The following GALNTL6 variants were observed in gnomAD, a reference collection of about 807,000 sequenced individuals.
GALNTL6 encodes the protein polypeptide N-acetylgalactosaminyltransferase-like 6.
GALNTL6 carries 46 observed loss-of-function variants against 73.7 expected under a neutral mutation model. The observed-to-expected ratio is 0.62, with a 90% CI of 0.49 to 0.80. GALNTL6 has a LOEUF of 0.80. GALNTL6 is among the 30% of genes least tolerant of loss of function. The pLI, the probability that GALNTL6 is intolerant of heterozygous loss-of-function variation, is 0.00. For synonymous variants in GALNTL6, 259 were observed against 263.7 expected (o/e 0.98, Z 0.17); for missense variants, 604 against 755.0 (o/e 0.80, Z 2.34).
chr4:171,882,732 A>G (rs1288894780), intron 2 of GALNTL6, among the ~76,000 whole-genome samples: 2 of 152,174 alleles, frequency 1.3e-5, no homozygotes, highest in Non-Finnish European at 2.9e-5. Context: ...TGCCTGCTTG[A>G]TTCTAGCCAC....
chr4:172,721,972 G>T (rs1482403592), intron 5 of GALNTL6, among the ~76,000 whole-genome samples: 1 of 139,748 alleles, frequency 7.2e-6, no homozygotes, highest in East Asian at 2.2e-4. Flanking sequence ...TATTGCAATG[G>T]AGGTGGCGGA....
intron 10 of GALNTL6, among the ~76,000 whole-genome samples, chr4:173,008,530 G>T (rs991668434): frequency 1.3e-5 from 2 of 152,184 alleles, no homozygotes; most frequent in Non-Finnish European, 2.9e-5. Context: ...AAGATATGAG[G>T]TTGCAGCAGA....
intron 5 of GALNTL6, among the ~76,000 whole-genome samples, chr4:172,420,239 GA>G (rs2111360048): frequency 6.6e-6 from 1 of 152,258 alleles, no homozygotes; most frequent in African/African-American, 2.4e-5. Context: ...TCGTGATAAC[GA>G]GGGTCATTTC....
intron 5 of GALNTL6, among the ~76,000 whole-genome samples, chr4:172,597,114 A>G (rs1560827703): frequency 6.6e-6 from 1 of 152,224 alleles, no homozygotes; most frequent in African/African-American, 2.4e-5. Flanking sequence ...TAGCTATCCA[A>G]ATATTGCCAG....
chr4:172,338,332 T>C (rs1362803751), intron 4 of GALNTL6, among the ~76,000 whole-genome samples: 1 of 148,554 alleles, frequency 6.7e-6, no homozygotes, highest in Admixed American at 6.7e-5. Flanking sequence ...ATGTTCAGAT[T>C]TTTTTTTTTC....
chr4:172,357,008 C>G (rs1056779973), intron 5 of GALNTL6, among the ~76,000 whole-genome samples: 8 of 151,958 alleles, frequency 5.3e-5, no homozygotes, highest in Non-Finnish European at 1.2e-4. Flanking sequence ...CTTAGGATCA[C>G]AACAATAACA....
rs184448308 is a variant in GALNTL6, at chr4:172,305,290, A to G, written c.248-6324A>G. Among the ~76,000 whole-genome samples the G allele has an allele frequency of 1.1e-3, 169 of 152,270 alleles. 1 individual carries two copies. The highest frequency in any genetic ancestry group is 1.8e-4 in the Non-Finnish European group (12 of 68,006). On this transcript the variant is annotated intron_variant, in intron 3 of 12. Coordinates refer to ENST00000506823, the MANE Select transcript of GALNTL6 (RefSeq NM_001034845.3). ...AGTATCTACTATCTGCCTTAAGTAT[A>G]CATAGTATCAAAGACATATTTGTAA...
chr4:173,022,142 AAG>A (rs776418707), intron 12 of GALNTL6, among the ~76,000 whole-genome samples: 3 of 118,290 alleles, frequency 2.5e-5, no homozygotes, highest in Non-Finnish European at 3.5e-5. Context: ...AAGGAAGGAA[AAG>A]AGAGAGAGAA....
intron 9 of GALNTL6, among the ~76,000 whole-genome samples, chr4:172,950,078 G>A (rs1254993450): frequency 6.6e-6 from 1 of 152,138 alleles, no homozygotes; most frequent in Non-Finnish European, 1.5e-5. Context: ...GAGTTTTTAT[G>A]TATGTAGTAC....
At chr4:171,817,331 A>G (rs77022574) in intron 2 of GALNTL6, among the ~76,000 whole-genome samples, 4,780 of 152,108 alleles carry the variant, frequency 0.031, 109 homozygotes, top group Non-Finnish European at 0.047. Context: ...TAATTATTAG[A>G]AAAGGTTACA....
rs115033844 is a variant in GALNTL6, at chr4:172,132,298, C to T, written c.139-97358C>T. On this transcript the variant is annotated intron_variant, in intron 2 of 12. Coordinates refer to ENST00000506823, the MANE Select transcript of GALNTL6 (RefSeq NM_001034845.3). Reference sequence around the variant, plus strand: ...TCAGTGGTGTAGTATTTGAAAACACCCAATTTAATAATATCTTTGTCATAT... The same window carrying T: ...TCAGTGGTGTAGTATTTGAAAACACTCAATTTAATAATATCTTTGTCATAT... Among the ~76,000 whole-genome samples, 591 of 152,064 alleles carry T rather than the reference C, an allele frequency of 3.9e-3. 3 individuals carry two copies. The highest frequency in any genetic ancestry group is 0.013 in the African/African-American group (552 of 41,506).
At chr4:171,935,565 G>T (rs1738315053) in intron 2 of GALNTL6, among the ~76,000 whole-genome samples, 1 of 152,072 alleles carries the variant, frequency 6.6e-6, no homozygotes, top group Non-Finnish European at 1.5e-5. Context: ...TGACTGTCCG[G>T]CTCAAGCAAT....
At chr4:172,288,008 C>T (rs892775321) in intron 3 of GALNTL6, among the ~76,000 whole-genome samples, 4 of 152,024 alleles carry the variant, frequency 2.6e-5, no homozygotes, top group African/African-American at 9.7e-5. Flanking sequence ...GAAATGAGCT[C>T]ACAACTGAAT....
intron 2 of GALNTL6, among the ~76,000 whole-genome samples, chr4:171,922,869 T>C (rs1737836324): frequency 6.6e-6 from 1 of 152,144 alleles, no homozygotes; most frequent in Admixed American, 6.6e-5. Context: ...TTATGCTTTG[T>C]TTTATATTTA....
Position 171,932,064 on chromosome 4 carries a change from A to G in GALNTL6, c.138+117346A>G, listed in dbSNP as rs142359925. ...TTTAATAAGTTTGTTGGAGAAGAAG[A>G]CAACATAGAAATATTTAATGGGGGC... On this transcript the variant is annotated intron_variant, in intron 2 of 12. Coordinates refer to ENST00000506823, the MANE Select transcript of GALNTL6 (RefSeq NM_001034845.3). Among the ~76,000 whole-genome samples, 565 of 152,312 alleles carry G rather than the reference A, an allele frequency of 3.7e-3. 7 individuals are homozygous for G. Among genetic ancestry groups the G allele is most frequent in the African/African-American group, 0.013 (532 of 41,578 alleles).
intron 2 of GALNTL6, among the ~76,000 whole-genome samples, chr4:172,155,064 C>G (rs1734213926): frequency 6.6e-6 from 1 of 150,914 alleles, no homozygotes; most frequent in Non-Finnish European, 1.5e-5. Context: ...GTGGCACAAT[C>G]TTGGCTCACT....
chr4:173,041,347 A>T lies in GALNTL6; in HGVS notation c.*1247A>T, dbSNP rs1753879125. ...TGAAGAAAGGAATGCTCCGAAAACT[A>T]AATGGAACACTTAATCCTTAAAGCA... On this transcript the variant is annotated 3_prime_UTR_variant, in exon 13 of 13. Transcript: ENST00000506823. 1 of 152,164 alleles carries T rather than the reference A, an allele frequency of 6.6e-6. No homozygotes were observed. Among genetic ancestry groups the T allele is most frequent in the Non-Finnish European group, 1.5e-5 (1 of 68,024 alleles). 9.4% of individuals were successfully genotyped at this position (152,164 alleles called of 1,614,324 possible).
intron 2 of GALNTL6, among the ~76,000 whole-genome samples, chr4:172,174,659 A>G (rs1734936716): frequency 6.6e-6 from 1 of 152,176 alleles, no homozygotes; most frequent in Admixed American, 6.5e-5. Context: ...TATTGGATGG[A>G]GTTTACATAG....
intron 5 of GALNTL6, among the ~76,000 whole-genome samples, chr4:172,723,550 C>G (rs1272282971): frequency 6.6e-6 from 1 of 152,146 alleles, no homozygotes; most frequent in Non-Finnish European, 1.5e-5. Flanking sequence ...TTTTTTTATA[C>G]TGTCCTAGCA....
Sources: gnomAD v4.1 joint callset for allele counts (sites outside exome capture counted in the v4.1 genomes callset) on GRCh38, gnomAD v4.1.1 for gene constraint, MANE v1.5 for transcripts, NCBI Gene and HGNC (gene_info 2026-07-23, HGNC 2026-07-21) for gene names.